Variants in ZNF268 observed in about 807,000 individuals in gnomAD.
ZNF268 encodes zinc finger protein 268.
In ZNF268, 20 loss-of-function variants were observed where a neutral mutation model predicts 29.3. The ratio of observed to expected loss-of-function variants is 0.68; its 90% CI spans 0.48 to 0.99. The LOEUF is 0.99. Ranked by LOEUF, ZNF268 falls within the 50% of genes least tolerant of loss-of-function variation. The pLI is 0.00. For missense variants in ZNF268, 1,240 were observed against 1,121.6 expected (o/e 1.11, Z -1.51); for synonymous variants, 429 against 376.9 (o/e 1.14, Z -1.60).
rs567710447 is a variant in ZNF268 at position 133,213,425 on chromosome 12, T to G, written c.*8895T>G. The G allele has an allele frequency of 2.0e-5, 3 of 152,204 alleles. No individual in the cohort carries two copies. In the South Asian group the frequency reaches 6.2e-4, roughly 32 times the overall value. The allele number at this position is 152,204 out of a possible 1,614,324, so 9.4% of individuals were successfully genotyped here. ...GGAGCTGGGTGTGGTGGCTCACGCC[T>G]GTAATTCCAGCACTTTGGGAGGCCA... is the stretch of plus-strand genomic sequence containing the variant. On this transcript the variant is annotated 3_prime_UTR_variant, in exon 6 of 6. Coordinates refer to ENST00000536435, the MANE Select transcript of ZNF268 (RefSeq NM_003415.3).
chr12:133,200,315 A>G (rs985225790), intron 5 of ZNF268, among the ~76,000 whole-genome samples: 1 of 152,200 alleles, frequency 6.6e-6, no homozygotes, highest in Non-Finnish European at 1.5e-5. Flanking sequence ...CAGGTTGTTC[A>G]GTTTCCATGT....
Position 133,212,445 on chromosome 12 carries a change from TTATATATATATATATATATATATATATA to T in ZNF268, c.*7941_*7968del, listed in dbSNP as rs565059550. On this transcript the variant is annotated 3_prime_UTR_variant, in exon 6 of 6. Transcript: ENST00000536435. ...CCAAGGGAGACTTTCATGTGTGATT[TTATATATATATATATATATATATATATA>T]TATATATATATATATATATATATAT... 1.4e-3 allele frequency: 162 copies of T among 118,594 alleles called. 1 individual carries two copies. Among genetic ancestry groups the T allele is most frequent in the African/African-American group, 4.3e-3 (142 of 32,840 alleles). The allele number at this position is 118,594 out of a possible 1,614,324, so 7.3% of individuals were successfully genotyped here. A position where few individuals can be genotyped will look rare whatever the true frequency, so the allele number is the denominator to read the frequency against.
rs1344464022 is a variant in ZNF268 at position 133,208,356 on chromosome 12, TGTG to T, written c.*3831_*3833del. 1.3e-5 allele frequency: 2 copies of T among 152,128 alleles called. No individual in the cohort carries two copies. Among genetic ancestry groups the T allele is most frequent in the African/African-American group, 2.4e-5 (1 of 41,416 alleles). The allele number at this position is 152,128 out of a possible 1,614,324, so 9.4% of individuals were successfully genotyped here. ...ACTAAAAATACAAAAGTCAGCCAGG[TGTG>T]GTGGCACGTGCCTGTAATCCCATCT... On this transcript the variant is annotated 3_prime_UTR_variant, in exon 6 of 6. Transcript: ENST00000536435.
At position 133,205,878 on chromosome 12, in the gene ZNF268, T is replaced by A. The variant is rs1330194654; in HGVS notation, c.*1348T>A. The A allele has an allele frequency of 2.6e-5, 4 of 152,176 alleles. No homozygotes were observed. The highest frequency in any genetic ancestry group is 9.7e-5 in the African/African-American group (4 of 41,438). The allele number at this position is 152,176 out of a possible 1,614,324, so 9.4% of individuals were successfully genotyped here. Reference sequence around the variant, plus strand: ...CATGAGCACTATGGTCAGCTGAGGCTCAGAACTGTACATTGTTAATGGGTT... The same window carrying A: ...CATGAGCACTATGGTCAGCTGAGGCACAGAACTGTACATTGTTAATGGGTT... On this transcript the variant is annotated 3_prime_UTR_variant, in exon 6 of 6. Coordinates refer to ENST00000536435, the MANE Select transcript of ZNF268 (RefSeq NM_003415.3).
Position 133,202,544 on chromosome 12 carries a change from C to T in ZNF268, c.858C>T (p.Ser286=). The T allele has an allele frequency of 6.2e-7, 1 of 1,611,304 alleles. No individual in the cohort carries two copies. The highest frequency in any genetic ancestry group is 8.5e-7 in the Non-Finnish European group (1 of 1,178,582). ...GCAGCTGTTGTGAGAAAGCCTTCAG[C>T]AGCAAGTCATACCTTCTAGTGCATC... is the stretch of plus-strand genomic sequence containing the variant. ...FGCSCCEKAF[S]SKSYLLVHQQ... is the part of the protein sequence containing the mutation. Residue 286 remains serine, a synonymous_variant, in exon 6 of 6, where the codon AGC becomes AGT. Coordinates refer to ENST00000536435, the MANE Select transcript of ZNF268 (RefSeq NM_003415.3).
rs545732535 is a variant in ZNF268 at position 133,212,556 on chromosome 12, T to A, written c.*8026T>A. ...ACACATATATATACACATATACACA[T>A]ATATATACACATATATATAATAAGA... On this transcript the variant is annotated 3_prime_UTR_variant, in exon 6 of 6. Coordinates refer to ENST00000536435, the MANE Select transcript of ZNF268 (RefSeq NM_003415.3). 1 of 149,082 alleles carries A rather than the reference T, an allele frequency of 6.7e-6. No individual in the cohort carries two copies. Among genetic ancestry groups the A allele is most frequent in the Non-Finnish European group, 1.5e-5 (1 of 67,228 alleles). 9.2% of individuals were successfully genotyped at this position (149,082 alleles called of 1,614,324 possible). A position where few individuals can be genotyped will look rare whatever the true frequency, so the allele number is the denominator to read the frequency against.
At position 133,204,655 on chromosome 12, in the gene ZNF268, G is replaced by A; in HGVS notation, c.*125G>A. The A allele has an allele frequency of 1.4e-6, 1 of 703,360 alleles. No homozygotes were observed. Among genetic ancestry groups the A allele is most frequent in the African/African-American group, 1.8e-5 (1 of 55,618 alleles). The allele number at this position is 703,360 out of a possible 1,614,324, so 43.6% of individuals were successfully genotyped here. A position where few individuals can be genotyped will look rare whatever the true frequency, so the allele number is the denominator to read the frequency against. ...AACTCATACTGAATAGAAACTTTAT[G>A]AATGCACAGCATATGGAAAGGCATC... On this transcript the variant is annotated 3_prime_UTR_variant, in exon 6 of 6. Coordinates refer to ENST00000536435, the MANE Select transcript of ZNF268 (RefSeq NM_003415.3).
intron 5 of ZNF268, 81 bp from the exon 6 acceptor site, chr12:133,202,063 T>C: frequency 8.7e-7 from 1 of 1,146,590 alleles, no homozygotes; most frequent in Non-Finnish European, 1.2e-6. Flanking sequence ...ATGTGACTAA[T>C]TGTTCTTATT....
chr12:133,185,015 C>G (rs1284274470), intron 2 of ZNF268, among the ~76,000 whole-genome samples: 1 of 151,854 alleles, frequency 6.6e-6, no homozygotes, highest in African/African-American at 2.4e-5. Flanking sequence ...GAAACCTCGT[C>G]TCTACTAAAA....
At chr12:133,196,666 A>G (rs1956606180) in intron 5 of ZNF268, among the ~76,000 whole-genome samples, 2 of 152,242 alleles carry the variant, frequency 1.3e-5, no homozygotes, top group Non-Finnish European at 2.9e-5. Flanking sequence ...TCTAGGGCAC[A>G]GAGTAATTAT....
chr12:133,202,484 C>T lies in ZNF268; in HGVS notation c.798C>T (p.Cys266=). Reference sequence around the variant, plus strand: ...TCAATAAGAAATCGCAACTTATGTGCCAACAAATGTATATGGGCGAAAAAC... The same window carrying T: ...TCAATAAGAAATCGCAACTTATGTGTCAACAAATGTATATGGGCGAAAAAC... ...KTVNKKSQLM[C]QQMYMGEKPF... Residue 266 remains cysteine, a synonymous_variant, in exon 6 of 6, where the codon TGC becomes TGT. Transcript: ENST00000536435. 1.2e-6 allele frequency: 2 copies of T among 1,612,154 alleles called. No homozygotes were observed. The highest frequency in any genetic ancestry group is 1.7e-6 in the Non-Finnish European group (2 of 1,179,048).
chr12:133,184,625 G>A (rs75897114), intron 2 of ZNF268: 129 of 184,236 alleles, frequency 7.0e-4, no homozygotes, highest in Middle Eastern at 4.9e-3. Flanking sequence ...TTATTTATTT[G>A]TTTATTTTTT....
rs1432409009 is a variant in ZNF268 at position 133,204,218 on chromosome 12, C to T, written c.2532C>T (p.Ser844=). 3.2e-6 allele frequency: 5 copies of T among 1,540,910 alleles called. No individual in the cohort carries two copies. The highest frequency in any genetic ancestry group is 2.0e-5 in the Admixed American group (1 of 51,000). Residue 844 remains serine, a synonymous_variant, in exon 6 of 6, where the codon TCC becomes TCT. Coordinates refer to ENST00000536435, the MANE Select transcript of ZNF268 (RefSeq NM_003415.3). ...ATAAATGCAGTCAATGTGAGAAATC[C>T]TTCAGTGGGAAATTACGCCTTCTTG... ...NPYKCSQCEK[S]FSGKLRLLVH...
At chr12:133,184,107 T>C (rs1263176179) in intron 2 of ZNF268, among the ~76,000 whole-genome samples, 4 of 149,484 alleles carry the variant, frequency 2.7e-5, no homozygotes, top group Non-Finnish European at 5.9e-5. Context: ...GCCTGCTTTC[T>C]TGTTTTCTTT....
At chr12:133,200,079 G>A (rs1417048479) in intron 5 of ZNF268, among the ~76,000 whole-genome samples, 1 of 152,028 alleles carries the variant, frequency 6.6e-6, no homozygotes, top group Non-Finnish European at 1.5e-5. Flanking sequence ...GCTTTTGAAT[G>A]TGTTTGCTCT....
rs185601575 is a variant in ZNF268 at position 133,181,687 on chromosome 12, G to A, written c.-53+1G>A. On this transcript the variant is annotated splice_donor_variant, in intron 1 of 5. Transcript: ENST00000536435. LOFTEE classifies it low-confidence loss of function (5UTR_SPLICE). Reference sequence around the variant, plus strand: ...CCTTCAGGGTTTGGAGGAGCCGGAGGTGCGGAATTCCTCCGGTTTCAAGGC... The same window carrying A: ...CCTTCAGGGTTTGGAGGAGCCGGAGATGCGGAATTCCTCCGGTTTCAAGGC... 2.3e-4 allele frequency: 86 copies of A among 379,736 alleles called. No homozygotes were observed. In the East Asian group the frequency reaches 3.6e-3, roughly 16 times the overall value. 23.5% of individuals were successfully genotyped at this position (379,736 alleles called of 1,614,324 possible).
chr12:133,198,356 A>G (rs11147293), intron 5 of ZNF268, among the ~76,000 whole-genome samples: 47,129 of 144,578 alleles, frequency 0.33, 7,844 homozygotes, highest in African/African-American at 0.39. Flanking sequence ...GATATGCGGC[A>G]TTATTTCTGA....
intron 2 of ZNF268, among the ~76,000 whole-genome samples, chr12:133,186,549 T>A (rs1956321122): frequency 6.6e-6 from 1 of 151,978 alleles, no homozygotes; most frequent in Non-Finnish European, 1.5e-5. Context: ...GATTTTTTTT[T>A]TGTATTTTAG....
chr12:133,207,290 TATTTGTGAACATAGGTTTAAAAATCCA>T lies in ZNF268; in HGVS notation c.*2761_*2787del, dbSNP rs1409385642. The T allele has an allele frequency of 1.3e-4, 3 of 23,230 alleles. No individual in the cohort carries two copies. The highest frequency in any genetic ancestry group is 6.1e-4 in the Admixed American group (1 of 1,640). The allele number at this position is 23,230 out of a possible 1,614,324, so 1.4% of individuals were successfully genotyped here. Reference sequence around the variant, plus strand: ...AGGAGAAAAAATGACTTGCAAACCATATTTGTGAACATAGGTTTAAAAATCCATATTTGTGAACATAGGTTTAAAAAT... The same window carrying T: ...AGGAGAAAAAATGACTTGCAAACCATTATTTGTGAACATAGGTTTAAAAAT... On this transcript the variant is annotated 3_prime_UTR_variant, in exon 6 of 6. Transcript: ENST00000536435.
Sources: gnomAD v4.1 joint callset for allele counts (sites outside exome capture counted in the v4.1 genomes callset) on GRCh38, gnomAD v4.1.1 for gene constraint, MANE v1.5 for transcripts, NCBI Gene and HGNC (gene_info 2026-07-23, HGNC 2026-07-21) for gene names.